MACROD2: variants seen among roughly 807,000 people sequenced by gnomAD.
MACROD2 encodes the protein mono-ADP ribosylhydrolase 2.
A neutral mutation model predicts 70.4 loss-of-function variants in MACROD2; 36 were observed. That is an observed-to-expected ratio of 0.51 (90% CI 0.39 to 0.68). The LOEUF (loss-of-function observed/expected upper bound fraction) is 0.68. MACROD2 is among the 30% of genes least tolerant of loss of function. The pLI, the probability that MACROD2 is intolerant of heterozygous loss-of-function variation, is 0.00. For synonymous variants in MACROD2, 172 were observed against 178.8 expected, an observed-to-expected ratio of 0.96 and a Z score of 0.30; for missense variants, 496 against 538.4, an observed-to-expected ratio of 0.92 and a Z score of 0.78.
chr20:14,118,360 A>C (rs1449035220), intron 3 of MACROD2, among the ~76,000 whole-genome samples: 1 of 152,184 alleles, frequency 6.6e-6, no homozygotes, highest in African/African-American at 2.4e-5. Flanking sequence ...CAAATAATTA[A>C]TTTGATTAGA....
chr20:14,712,023 A>C (rs149767044), intron 5 of MACROD2, among the ~76,000 whole-genome samples: 1 of 152,282 alleles, frequency 6.6e-6, no homozygotes, highest in East Asian at 1.9e-4. Context: ...AAACTCTTTA[A>C]AATAACAATA....
intron 12 of MACROD2, among the ~76,000 whole-genome samples, chr20:15,954,319 G>A (rs1294287249): frequency 6.6e-6 from 1 of 151,900 alleles, no homozygotes; most frequent in Non-Finnish European, 1.5e-5. Flanking sequence ...GTCTCATCTC[G>A]CACCTCTCCC....
chr20:14,116,613 A>G (rs1009844785), intron 3 of MACROD2, among the ~76,000 whole-genome samples: 5 of 152,228 alleles, frequency 3.3e-5, no homozygotes, highest in African/African-American at 1.2e-4. Flanking sequence ...TAAATAAAGT[A>G]AGAAGAAATA....
chr20:14,714,867 A>G (rs1568754545), intron 5 of MACROD2, among the ~76,000 whole-genome samples: 1 of 152,146 alleles, frequency 6.6e-6, no homozygotes, highest in Non-Finnish European at 1.5e-5. Context: ...TCTAATAGTT[A>G]ATTCATGTTT....
chr20:14,829,624 TTA>T (rs1310695321), intron 5 of MACROD2, among the ~76,000 whole-genome samples: 2 of 152,054 alleles, frequency 1.3e-5, no homozygotes, highest in Non-Finnish European at 2.9e-5. Flanking sequence ...AATGCGAATA[TTA>T]GTGCCTCCAT....
At chr20:14,070,610 G>A (rs1481869629) in intron 2 of MACROD2, among the ~76,000 whole-genome samples, 2 of 151,934 alleles carry the variant, frequency 1.3e-5, no homozygotes, top group Non-Finnish European at 2.9e-5. Context: ...TTTCTTTTGG[G>A]GAGCGGGAAT....
chr20:15,616,485 C>G (rs6135463), intron 8 of MACROD2, among the ~76,000 whole-genome samples: 1 of 152,108 alleles, frequency 6.6e-6, no homozygotes, highest in Non-Finnish European at 1.5e-5. Context: ...GGGCTGAAAC[C>G]TACTCTTGGA....
intron 8 of MACROD2, among the ~76,000 whole-genome samples, chr20:15,560,620 A>C (rs974224081): frequency 6.6e-6 from 1 of 151,882 alleles, no homozygotes; most frequent in African/African-American, 2.4e-5. Context: ...AAAATTAGCC[A>C]GTCATGGTGG....
intron 3 of MACROD2, among the ~76,000 whole-genome samples, chr20:14,212,323 A>G (rs2081577760): frequency 6.6e-6 from 1 of 152,180 alleles, no homozygotes. Context: ...AGTATAGTAT[A>G]TGGAGCGCAG....
At chr20:15,024,308 G>A (rs951234256) in intron 5 of MACROD2, among the ~76,000 whole-genome samples, 8 of 151,968 alleles carry the variant, frequency 5.3e-5, no homozygotes, top group East Asian at 1.9e-4. Flanking sequence ...CCAGATGAGC[G>A]AATTAAGCAG....
chr20:15,580,187 G>T (rs572278625), intron 8 of MACROD2, among the ~76,000 whole-genome samples: 15 of 152,134 alleles, frequency 9.9e-5, no homozygotes, highest in Non-Finnish European at 1.9e-4. Flanking sequence ...AGTAAAAAAA[G>T]AATTGCCTTA....
intron 5 of MACROD2, among the ~76,000 whole-genome samples, chr20:15,140,401 A>G (rs1454223923): frequency 6.6e-6 from 1 of 152,150 alleles, no homozygotes; most frequent in African/African-American, 2.4e-5. Flanking sequence ...GTCTGTCTCT[A>G]GTTCTCCAAA....
At chr20:15,388,304 A>G (rs1165430145) in intron 6 of MACROD2, among the ~76,000 whole-genome samples, 1 of 152,056 alleles carries the variant, frequency 6.6e-6, no homozygotes, top group Non-Finnish European at 1.5e-5. Flanking sequence ...CCAAGATTCA[A>G]AGACACCAAG....
intron 4 of MACROD2, among the ~76,000 whole-genome samples, chr20:14,631,398 T>C (rs1206911802): frequency 1.3e-5 from 2 of 152,204 alleles, no homozygotes; most frequent in Non-Finnish European, 2.9e-5. Flanking sequence ...ATCAGTTCAT[T>C]AGAACACTCA....
chr20:15,825,515 T>C (rs1009778649), intron 8 of MACROD2, among the ~76,000 whole-genome samples: 104 of 151,856 alleles, frequency 6.8e-4, no homozygotes, highest in Non-Finnish European at 2.1e-4. Flanking sequence ...TTTTTTTTTT[T>C]CGAGACAGAG....
rs1267161041 is a variant in MACROD2, at chr20:15,229,971, G to A, written c.450G>A (p.Arg150=). 7 of 1,613,610 alleles carry A rather than the reference G, an allele frequency of 4.3e-6. No individual in the cohort carries two copies. The highest frequency in any genetic ancestry group is 5.9e-6 in the Non-Finnish European group (7 of 1,179,720). Residue 150 remains arginine, a synonymous_variant, in exon 6 of 18, where the codon AGG becomes AGA. Transcript: ENST00000684519. The stretch of plus-strand genomic sequence containing the variant: ...TCCATACTGTAGGGCCAATAGCCAG[G>A]GGCCATATTAATGGTTCCCACAAGG... The part of the protein sequence containing the change: ...YVIHTVGPIA[R]GHINGSHKED...
chr20:15,604,464 C>T (rs463308), intron 8 of MACROD2, among the ~76,000 whole-genome samples: 22,860 of 152,220 alleles, frequency 0.15, 1,745 homozygotes, highest in African/African-American at 0.19. Flanking sequence ...GGCAATTCTA[C>T]AGCAGGGCCA....
At chr20:15,406,070 G>A (rs2045996611) in intron 6 of MACROD2, among the ~76,000 whole-genome samples, 1 of 152,114 alleles carries the variant, frequency 6.6e-6, no homozygotes, top group Non-Finnish European at 1.5e-5. Context: ...GAGAGGAGAG[G>A]TTTTTCCCCT....
chr20:15,066,383 C>A (rs1818927899), intron 5 of MACROD2, among the ~76,000 whole-genome samples: 1 of 151,826 alleles, frequency 6.6e-6, no homozygotes, highest in African/African-American at 2.4e-5. Context: ...ATCTGCCCAC[C>A]TCGGCCTCCC....
Sources: gnomAD v4.1 joint callset for allele counts (sites outside exome capture counted in the v4.1 genomes callset) on GRCh38, gnomAD v4.1.1 for gene constraint, MANE v1.5 for transcripts, NCBI Gene and HGNC (gene_info 2026-07-23, HGNC 2026-07-21) for gene names.